ZHX3: variants seen among roughly 807,000 people sequenced by gnomAD.
ZHX3 encodes the protein zinc fingers and homeoboxes protein 3.
ZHX3 carries 20 observed loss-of-function variants against 64.5 expected under a neutral mutation model. The ratio of observed to expected loss-of-function variants is 0.31; its 90% CI spans 0.22 to 0.45. The LOEUF is 0.45. Among genes scored for constraint, ZHX3 ranks in the 20% least tolerant of loss-of-function variants. The pLI is 1.00. For missense variants in ZHX3, 1,041 were observed against 1,195.8 expected, an observed-to-expected ratio of 0.87 and a Z score of 1.91; for synonymous variants, 423 against 461.6, an observed-to-expected ratio of 0.92 and a Z score of 1.07.
intron 3 of ZHX3, among the ~76,000 whole-genome samples, chr20:41,198,395 A>G (rs1056874340): frequency 1.4e-4 from 21 of 152,038 alleles, no homozygotes; most frequent in African/African-American, 5.1e-4. Flanking sequence ...ACTAATAATG[A>G]TCTCCTTCAA....
At chr20:41,297,517 A>T (rs529731948) in intron 1 of ZHX3, among the ~76,000 whole-genome samples, 2 of 152,208 alleles carry the variant, frequency 1.3e-5, no homozygotes, top group East Asian at 3.8e-4. Context: ...CAAACATCCC[A>T]TCTTTCCTAT....
chr20:41,194,392 C>T (rs1489557778), intron 3 of ZHX3, among the ~76,000 whole-genome samples: 1 of 152,084 alleles, frequency 6.6e-6, no homozygotes, highest in Non-Finnish European at 1.5e-5. Flanking sequence ...ATTCATGTGC[C>T]AGGCAATCCT....
At chr20:41,279,376 T>C (rs2043555310) in intron 1 of ZHX3, among the ~76,000 whole-genome samples, 1 of 152,150 alleles carries the variant, frequency 6.6e-6, no homozygotes, top group African/African-American at 2.4e-5. Flanking sequence ...ACTTCACTAA[T>C]TTGATACATG....
intron 2 of ZHX3, among the ~76,000 whole-genome samples, chr20:41,233,740 C>T (rs1433201530): frequency 6.6e-6 from 1 of 152,172 alleles, no homozygotes; most frequent in Non-Finnish European, 1.5e-5. Flanking sequence ...GACATCAGAA[C>T]AGAACTTACA....
chr20:41,220,489 CTATCTAACTTTA>C lies in ZHX3; in HGVS notation c.-150-15435_-150-15424del, dbSNP rs1046808703. On this transcript the variant is annotated intron_variant, in intron 2 of 3. Transcript: ENST00000683867. Reference sequence around the variant, plus strand: ...CTTGCACAGGCACCTTCCAAAGCCTCTATCTAACTTTATATCTTTATAATTTTATTCTTAGAT... The same window carrying C: ...CTTGCACAGGCACCTTCCAAAGCCTCTATCTTTATAATTTTATTCTTAGAT... Among the ~76,000 whole-genome samples, 97 of 152,318 alleles carry C rather than the reference CTATCTAACTTTA, an allele frequency of 6.4e-4. 2 individuals are homozygous for C. The highest frequency in any genetic ancestry group is 5.7e-3 in the Admixed American group (87 of 15,302).
intron 2 of ZHX3, among the ~76,000 whole-genome samples, chr20:41,206,126 A>C (rs544073128): frequency 2.1e-4 from 32 of 152,362 alleles, no homozygotes; most frequent in Middle Eastern, 6.8e-3. Context: ...AAGGACATCC[A>C]CACCAAAACC....
intron 2 of ZHX3, among the ~76,000 whole-genome samples, chr20:41,245,420 C>A (rs1370587493): frequency 6.6e-6 from 1 of 152,222 alleles, no homozygotes; most frequent in Non-Finnish European, 1.5e-5. Context: ...GGGCTCTAAT[C>A]TGTGTCAGGT....
At chr20:41,274,368 C>T (rs146471189) in intron 1 of ZHX3, among the ~76,000 whole-genome samples, 1 of 152,312 alleles carries the variant, frequency 6.6e-6, no homozygotes, top group Non-Finnish European at 1.5e-5. Context: ...TCAAATCCCC[C>T]CAAATTGATT....
chr20:41,227,508 C>T (rs1391770368), intron 2 of ZHX3, among the ~76,000 whole-genome samples: 6 of 152,140 alleles, frequency 3.9e-5, no homozygotes, highest in Admixed American at 3.9e-4. Context: ...TGCATGAACC[C>T]ACACTCACCA....
In ZHX3 at chr20:41,182,139, A is replaced by G. The variant is rs1364088910; in HGVS notation, c.*3052T>C. Reference sequence around the variant, plus strand: ...TCAAATTTAAATTTCCTTTATCAGAATGATCATCTGGTTTCACCTTTGAGA... The same window carrying G: ...TCAAATTTAAATTTCCTTTATCAGAGTGATCATCTGGTTTCACCTTTGAGA... On this transcript the variant is annotated 3_prime_UTR_variant, in exon 4 of 4. Coordinates refer to ENST00000683867, the MANE Select transcript of ZHX3 (RefSeq NM_001384317.1). The surrounding 1 kb of genome is among the most constrained non-coding windows in gnomAD (Gnocchi z 6.1). The G allele has an allele frequency of 6.6e-6, 1 of 152,222 alleles. No individual in the cohort carries two copies. The allele number at this position is 152,222 out of a possible 1,614,324, so 9.4% of individuals were successfully genotyped here.
intron 1 of ZHX3, among the ~76,000 whole-genome samples, chr20:41,296,574 C>T (rs777962384): frequency 2.6e-5 from 4 of 152,234 alleles, no homozygotes; most frequent in Admixed American, 6.5e-5. Context: ...CTGCCACACA[C>T]GTGCACATGA....
intron 3 of ZHX3, among the ~76,000 whole-genome samples, chr20:41,190,781 C>T (rs2036950059): frequency 6.6e-6 from 1 of 152,114 alleles, no homozygotes; most frequent in South Asian, 2.1e-4. Context: ...TTTATTTCTC[C>T]TTCATTTATG....
intron 2 of ZHX3, among the ~76,000 whole-genome samples, chr20:41,220,301 G>C (rs2039847218): frequency 6.6e-6 from 1 of 152,210 alleles, no homozygotes; most frequent in Admixed American, 6.5e-5. Flanking sequence ...AGAAAAGAGT[G>C]TTCTAGACAA....
Position 41,201,203 on chromosome 20 carries a change from T to A in ZHX3, c.2860+854A>T, listed in dbSNP as rs377690586. On this transcript the variant is annotated intron_variant, in intron 3 of 3. Coordinates refer to ENST00000683867, the MANE Select transcript of ZHX3 (RefSeq NM_001384317.1). This position sits in a 1 kb window ranked among gnomAD's most constrained non-coding sequence, Gnocchi z 5.0. ...AGTGTCTCCTGTACCCCCTCCCACA[T>A]TGCCAACTCAGCTAGCAATGCTGCC... is the stretch of plus-strand genomic sequence containing the variant. The A allele has an allele frequency of 2.5e-4, 251 of 989,364 alleles. 2 individuals carry two copies. The East Asian group carries it at 5.2e-3, about 21-fold the overall frequency. 61.3% of individuals were successfully genotyped at this position (989,364 alleles called of 1,614,324 possible). A position where few individuals can be genotyped will look rare whatever the true frequency, so the allele number is the denominator to read the frequency against.
intron 1 of ZHX3, among the ~76,000 whole-genome samples, chr20:41,274,839 C>T (rs2043306803): frequency 6.6e-6 from 1 of 152,038 alleles, no homozygotes; most frequent in African/African-American, 2.4e-5. Flanking sequence ...CAAGGTGATC[C>T]AGCAACATCA....
At chr20:41,213,400 A>C (rs1191034642) in intron 2 of ZHX3, among the ~76,000 whole-genome samples, 1 of 151,984 alleles carries the variant, frequency 6.6e-6, no homozygotes, top group East Asian at 2.0e-4. Flanking sequence ...CTAAGGTTTC[A>C]ATATAGGTGA....
rs536911750 is a variant in ZHX3 at position 41,213,114 on chromosome 20, C to G, written c.-150-8048G>C. On this transcript the variant is annotated intron_variant, in intron 2 of 3. Coordinates refer to ENST00000683867, the MANE Select transcript of ZHX3 (RefSeq NM_001384317.1). ...AGAAGTCAGACACAAATGTCACATA[C>G]TGTATGATTCCCATTTATATGAAAT... 1.1e-3 allele frequency among the ~76,000 whole-genome samples: 165 copies of G among 152,192 alleles called. 1 individual carries two copies. The highest frequency in any genetic ancestry group is 1.2e-3 in the Admixed American group (19 of 15,280).
chr20:41,279,170 C>T (rs78199938), intron 1 of ZHX3, among the ~76,000 whole-genome samples: 2 of 152,122 alleles, frequency 1.3e-5, no homozygotes, highest in Admixed American at 6.5e-5. Flanking sequence ...CCTGGGTCAA[C>T]GAGTATGAAA....
chr20:41,275,943 C>A (rs1004658738), intron 1 of ZHX3, among the ~76,000 whole-genome samples: 2 of 152,210 alleles, frequency 1.3e-5, no homozygotes, highest in Middle Eastern at 3.4e-3. Context: ...ACTAAACAAA[C>A]AAAGATTCAG....
Sources: allele counts gnomAD v4.1 joint callset (sites outside exome capture counted in the v4.1 genomes callset), GRCh38; gene constraint gnomAD v4.1.1; non-coding constraint Gnocchi (gnomAD v3.1); transcripts MANE v1.5; gene names NCBI Gene and HGNC (gene_info 2026-07-23, HGNC 2026-07-21).